Variants in SAP130 observed in about 807,000 individuals in gnomAD.
The protein encoded by SAP130 is Sin3A associated protein 130, also known as histone deacetylase complex subunit SAP130.
In SAP130, 16 loss-of-function variants were observed where a neutral mutation model predicts 103.2. That is an observed-to-expected ratio of 0.16 (90% CI 0.10 to 0.24). SAP130 has a LOEUF of 0.24. SAP130 is among the 10% of genes least tolerant of loss of function. The probability of loss-of-function intolerance (pLI) is 1.00; values close to 1 mark genes in which losing one functional copy is unlikely to be tolerated. For missense variants in SAP130, 990 were observed against 1,359.7 expected (o/e 0.73, Z 4.28); for synonymous variants, 477 against 497.0 (o/e 0.96, Z 0.53).
At position 127,944,043 on chromosome 2, in the gene SAP130, C is replaced by CT. The variant is rs201636013; in HGVS notation, c.2901+1412dup. Among the ~76,000 whole-genome samples the CT allele has an allele frequency of 3.0e-3, 459 of 151,726 alleles. 3 individuals are homozygous for CT. Among genetic ancestry groups the CT allele is most frequent in the African/African-American group, 0.011 (436 of 41,374 alleles). On this transcript the variant is annotated intron_variant, in intron 19 of 20. Coordinates refer to ENST00000643581, the MANE Select transcript of SAP130 (RefSeq NM_001330301.2). ...TTATTCTATAAACTTTGTTTTCTTC[C>CT]TTTTTTTTGAGAGTGTCTTACTCTG...
At chr2:127,958,738 T>C (rs1385670265) in intron 15 of SAP130, among the ~76,000 whole-genome samples, 1 of 151,398 alleles carries the variant, frequency 6.6e-6, no homozygotes, top group Non-Finnish European at 1.5e-5. Flanking sequence ...CATGGCTCAC[T>C]GCAGCCTTAA....
chr2:128,016,584 C>G (rs1559102440), intron 3 of SAP130, 37 bp from the exon 4 acceptor site: 1 of 1,574,420 alleles, frequency 6.4e-7, no homozygotes, highest in African/African-American at 1.4e-5. Flanking sequence ...TATCAATGGC[C>G]TCATACTGGT....
chr2:128,006,288 T>TGATA (rs1683970327), intron 7 of SAP130, among the ~76,000 whole-genome samples: 1 of 152,154 alleles, frequency 6.6e-6, no homozygotes, highest in African/African-American at 2.4e-5. Context: ...TTGAAGAAAG[T>TGATA]GATAGAAAAT....
At chr2:127,964,018 C>G (rs568596903) in intron 15 of SAP130, among the ~76,000 whole-genome samples, 1 of 152,288 alleles carries the variant, frequency 6.6e-6, no homozygotes, top group South Asian at 2.1e-4. Context: ...AAACAGAAAG[C>G]CCTTTTTACC....
In SAP130 at chr2:127,942,743, C is replaced by A. The variant is rs13395326; in HGVS notation, c.2902-206G>T. Among the ~76,000 whole-genome samples, 3,982 of 152,262 alleles carry A rather than the reference C, an allele frequency of 0.026. 127 individuals are homozygous for A. The highest frequency in any genetic ancestry group is 0.14 in the East Asian group (710 of 5,180). On this transcript the variant is annotated intron_variant, in intron 19 of 20. Transcript: ENST00000643581. The surrounding 1 kb of genome is among the most constrained non-coding windows in gnomAD (Gnocchi z 4.8). ...GTGGCTCACGCCTATAATCCCAGCACTTTGGGAGGTCGAGGCGGGTGGATC... is the reference window on the plus strand; with the variant it reads ...GTGGCTCACGCCTATAATCCCAGCAATTTGGGAGGTCGAGGCGGGTGGATC...
chr2:127,980,787 T>C (rs1681811184), intron 14 of SAP130, among the ~76,000 whole-genome samples: 1 of 151,698 alleles, frequency 6.6e-6, no homozygotes, highest in African/African-American at 2.4e-5. Flanking sequence ...CTACTAAAAA[T>C]ACAAAAACTG....
At chr2:127,997,940 CCT>C (rs1683284290) in intron 10 of SAP130, among the ~76,000 whole-genome samples, 1 of 151,954 alleles carries the variant, frequency 6.6e-6, no homozygotes, top group African/African-American at 2.4e-5. Context: ...ATGGTGAAAC[CCT>C]GTTTCTACTA....
At chr2:127,969,489 C>T (rs556384969) in intron 15 of SAP130, among the ~76,000 whole-genome samples, 1 of 152,306 alleles carries the variant, frequency 6.6e-6, no homozygotes, top group South Asian at 2.1e-4. Context: ...TTCTGCTTTG[C>T]AATGCAATCT....
intron 12 of SAP130, among the ~76,000 whole-genome samples, chr2:127,992,105 G>A (rs763150953): frequency 3.3e-5 from 5 of 151,876 alleles, no homozygotes; most frequent in Non-Finnish European, 5.9e-5. Context: ...CTTAGTAGTT[G>A]GGACTAGAGG....
At chr2:127,975,329 G>C (rs1007751878) in intron 15 of SAP130, among the ~76,000 whole-genome samples, 4 of 152,124 alleles carry the variant, frequency 2.6e-5, no homozygotes, top group Admixed American at 2.6e-4. Context: ...ACCAAAAAGG[G>C]ATAAGGCCAG....
Position 128,017,894 on chromosome 2 carries a change from T to A in SAP130, c.134A>T (p.Asp45Val). The change falls in exon 3 of 21, where the codon GAT becomes GTT. Residue 45 changes from aspartate (D) to valine (V), a missense_variant. Physicochemically the swap from Asp to Val is radical, Grantham distance 152. This residue lies in a region of SAP130 where 167 missense variants were observed against 187.4 expected (regional missense o/e 0.89). Coordinates refer to ENST00000643581, the MANE Select transcript of SAP130 (RefSeq NM_001330301.2). ...AATVNDESGR[D>V]SEVSAREHMS... is the part of the protein sequence containing the mutation. ...GTGCTCCCTGGCACTGACTTCAGAA[T>A]CTCGACCAGATTCATCATTGACTAG... The A allele has an allele frequency of 6.2e-7, 1 of 1,614,176 alleles. No individual in the cohort carries two copies. The highest frequency in any genetic ancestry group is 8.5e-7 in the Non-Finnish European group (1 of 1,180,018).
chr2:127,997,933 G>A (rs1683283714), intron 10 of SAP130, among the ~76,000 whole-genome samples: 1 of 152,110 alleles, frequency 6.6e-6, no homozygotes, highest in Non-Finnish European at 1.5e-5. Flanking sequence ...GGCCAACATG[G>A]TGAAACCCTG....
chr2:128,024,874 G>A (rs1229978343), intron 2 of SAP130, among the ~76,000 whole-genome samples: 1 of 151,598 alleles, frequency 6.6e-6, no homozygotes, highest in Non-Finnish European at 1.5e-5. Flanking sequence ...GTGACACTCT[G>A]TCTCAAAAAA....
At chr2:127,958,554 C>T (rs980799318) in intron 15 of SAP130, among the ~76,000 whole-genome samples, 10 of 150,880 alleles carry the variant, frequency 6.6e-5, no homozygotes, top group African/African-American at 2.4e-4. Context: ...AAAATAAAAA[C>T]AAAATGTAGA....
intron 14 of SAP130, among the ~76,000 whole-genome samples, chr2:127,981,252 G>A (rs941807369): frequency 1.3e-5 from 2 of 151,746 alleles, no homozygotes; most frequent in African/African-American, 4.8e-5. Context: ...ACATCTCCAG[G>A]ATGCGGGTAA....
intron 15 of SAP130, among the ~76,000 whole-genome samples, chr2:127,958,287 G>A (rs1206721710): frequency 6.6e-6 from 1 of 152,180 alleles, no homozygotes; most frequent in African/African-American, 2.4e-5. Context: ...AGTGGCGAGC[G>A]CCTGTAATCC....
rs1489677840 is a variant in SAP130 at position 127,950,321 on chromosome 2, G to C, written c.2510C>G (p.Pro837Arg). 3 of 1,614,082 alleles carry C rather than the reference G, an allele frequency of 1.9e-6. No homozygotes were observed. Among genetic ancestry groups the C allele is most frequent in the African/African-American group, 2.7e-5 (2 of 74,918 alleles). Residue 837 changes from proline to arginine, a missense_variant, in exon 17 of 21, where the codon CCT becomes CGT. Coordinates refer to ENST00000643581, the MANE Select transcript of SAP130 (RefSeq NM_001330301.2). ...NLSMPTSDLP[P>R]GASPRKKPRK... The stretch of plus-strand genomic sequence containing the variant: ...AGGCTTTTTCCTTGGGGAGGCACCA[G>C]GTGGTAGGTCACTTGTAGGCATGGA...
intron 15 of SAP130, among the ~76,000 whole-genome samples, chr2:127,965,907 A>T (rs2104835758): frequency 6.6e-6 from 1 of 152,234 alleles, no homozygotes; most frequent in South Asian, 2.1e-4. Context: ...TGTCTGCTAG[A>T]ACTGATGAGG....
chr2:127,942,688 G>A lies in SAP130; in HGVS notation c.2902-151C>T. 3.3e-6 allele frequency: 2 copies of A among 611,238 alleles called. No homozygotes were observed. The highest frequency in any genetic ancestry group is 5.5e-5 in the East Asian group (2 of 36,082). 37.9% of individuals were successfully genotyped at this position (611,238 alleles called of 1,614,324 possible). A position where few individuals can be genotyped will look rare whatever the true frequency, so the allele number is the denominator to read the frequency against. The stretch of plus-strand genomic sequence containing the variant: ...TTTCTCCTAAGGACTAAGATACTAA[G>A]GTTTAAAAACAGTAAAGGGGCTGGG... On this transcript the variant is annotated intron_variant, in intron 19 of 20. Transcript: ENST00000643581. The surrounding 1 kb of genome is among the most constrained non-coding windows in gnomAD (Gnocchi z 4.8).
Sources: allele counts gnomAD v4.1 joint callset (sites outside exome capture counted in the v4.1 genomes callset), GRCh38; gene constraint gnomAD v4.1.1; regional missense constraint gnomAD v4.1.1; non-coding constraint Gnocchi (gnomAD v3.1); transcripts MANE v1.5; gene names NCBI Gene and HGNC (gene_info 2026-07-23, HGNC 2026-07-21).